Variants in ZBTB18 observed in about 807,000 individuals in gnomAD.
ZBTB18 encodes zinc finger and BTB domain containing 18.
A neutral mutation model predicts 37.7 loss-of-function variants in ZBTB18; 2 were observed. That is an observed-to-expected ratio of 0.05 (90% CI 0.02 to 0.17). ZBTB18 has a LOEUF of 0.17. Among genes scored for constraint, ZBTB18 ranks in the 10% least tolerant of loss-of-function variants. The pLI, the probability that ZBTB18 is intolerant of heterozygous loss-of-function variation, is 1.00. For missense variants in ZBTB18, 408 were observed against 686.3 expected (o/e 0.59, Z 4.53); for synonymous variants, 304 against 276.5 (o/e 1.10, Z -0.99).
Position 244,054,633 on chromosome 1 carries a change from G to A in ZBTB18, c.859G>A (p.Ala287Thr). The change falls in exon 2 of 2, where the codon GCT becomes ACT. Residue 287 changes from alanine (A) to threonine (T), a missense_variant. This residue lies in a region of ZBTB18 where 266 missense variants were observed against 312.0 expected (regional missense o/e 0.85). Coordinates refer to ENST00000358704, the MANE Select transcript of ZBTB18 (RefSeq NM_205768.3). This position sits in a 1 kb window ranked among gnomAD's most constrained non-coding sequence, Gnocchi z 9.0. Reference sequence around the variant, plus strand: ...GGTGCAGGTGAAGGTGGAGAAAGAGGCTTCCTGTGATGAGAGTGATGTTGG... The same window carrying A: ...GGTGCAGGTGAAGGTGGAGAAAGAGACTTCCTGTGATGAGAGTGATGTTGG... Reference protein sequence around the residue: ...NLVQVKVEKEASCDESDVGTN... With the variant: ...NLVQVKVEKETSCDESDVGTN... 1 of 1,614,232 alleles carries A rather than the reference G, an allele frequency of 6.2e-7. No homozygotes were observed. The highest frequency in any genetic ancestry group is 8.5e-7 in the Non-Finnish European group (1 of 1,180,052).
chr1:244,051,563 T>A, intron 1 of ZBTB18, 119 bp downstream of exon 1: 1 of 1,195,080 alleles, frequency 8.4e-7, no homozygotes, highest in Non-Finnish European at 1.2e-6. Flanking sequence ...AATTGAGTAT[T>A]AAATGAACAT....
chr1:244,051,398 A>T lies in ZBTB18; in HGVS notation c.-34A>T. On this transcript the variant is annotated 5_prime_UTR_variant, in exon 1 of 2. Transcript: ENST00000358704. ...CCACCGATGTAACAGACCTGGAGCCAGCAGGACTCAGAGGAAAGGACTTAA... is the reference window on the plus strand; with the variant it reads ...CCACCGATGTAACAGACCTGGAGCCTGCAGGACTCAGAGGAAAGGACTTAA... 6.2e-7 allele frequency: 1 copy of T among 1,613,944 alleles called. No homozygotes were observed. Among genetic ancestry groups the T allele is most frequent in the Non-Finnish European group, 8.5e-7 (1 of 1,179,908 alleles).
chr1:244,049,904 C>T (rs533151190), upstream of ZBTB18, among the ~76,000 whole-genome samples: 2 of 152,272 alleles, frequency 1.3e-5, no homozygotes, highest in East Asian at 3.9e-4. Context: ...AACTGTCACT[C>T]ACCCCCCACC....
In ZBTB18 at chr1:244,053,606, A is replaced by G. The variant is rs1698394846; in HGVS notation, c.14-182A>G. On this transcript the variant is annotated intron_variant, in intron 1 of 1. Coordinates refer to ENST00000358704, the MANE Select transcript of ZBTB18 (RefSeq NM_205768.3). This position sits in a 1 kb window ranked among gnomAD's most constrained non-coding sequence, Gnocchi z 5.2. ...GGGTGAGGAAGTTCAGAAAGTGTGCATTTTCCTTCTGGCATTTAGGTCTTG... is the reference window on the plus strand; with the variant it reads ...GGGTGAGGAAGTTCAGAAAGTGTGCGTTTTCCTTCTGGCATTTAGGTCTTG... The G allele has an allele frequency of 4.3e-6, 2 of 465,708 alleles. No individual in the cohort carries two copies. Among genetic ancestry groups the G allele is most frequent in the East Asian group, 1.5e-4 (1 of 6,482 alleles). The allele number at this position is 465,708 out of a possible 1,614,324, so 28.8% of individuals were successfully genotyped here. A position where few individuals can be genotyped will look rare whatever the true frequency, so the allele number is the denominator to read the frequency against.
rs995084680 is a variant in ZBTB18, at chr1:244,056,938, A to G, written c.*1568A>G. On this transcript the variant is annotated 3_prime_UTR_variant, in exon 2 of 2. Coordinates refer to ENST00000358704, the MANE Select transcript of ZBTB18 (RefSeq NM_205768.3). ...TTTGCTGTTTTTCCCTTTTTTTTTT[A>G]ATTGCTTTTGTTTAAAATTTGATCG... The G allele has an allele frequency of 6.0e-6, 1 of 165,784 alleles. No individual in the cohort carries two copies. Among genetic ancestry groups the G allele is most frequent in the Non-Finnish European group, 1.5e-5 (1 of 67,868 alleles). 10.3% of individuals were successfully genotyped at this position (165,784 alleles called of 1,614,324 possible). A position where few individuals can be genotyped will look rare whatever the true frequency, so the allele number is the denominator to read the frequency against.
chr1:244,049,774 C>G (rs1232952839), upstream of ZBTB18, among the ~76,000 whole-genome samples: 2 of 152,222 alleles, frequency 1.3e-5, no homozygotes, highest in African/African-American at 2.4e-5. Context: ...CCGCCCCCAC[C>G]TCTCTGAAAA....
chr1:244,049,304 G>A (rs1235231055), upstream of ZBTB18, among the ~76,000 whole-genome samples: 7 of 147,004 alleles, frequency 4.8e-5, no homozygotes, highest in African/African-American at 1.5e-4. Context: ...GCGGCGCGGG[G>A]CGGGCTCCCG....
At chr1:244,050,418 C>A (rs1324120631), upstream of ZBTB18, among the ~76,000 whole-genome samples, 1 of 138,284 alleles carries the variant, frequency 7.2e-6, no homozygotes, top group Admixed American at 7.5e-5. Context: ...TTCTTGTGAT[C>A]ATAAACATTA....
chr1:244,056,816 T>C lies in ZBTB18; in HGVS notation c.*1446T>C, dbSNP rs1698483736. On this transcript the variant is annotated 3_prime_UTR_variant, in exon 2 of 2. Coordinates refer to ENST00000358704, the MANE Select transcript of ZBTB18 (RefSeq NM_205768.3). Reference sequence around the variant, plus strand: ...CAGAGGCTGCAGCCTAACGTGTGGTTTTAATGACCAGCACGCAAGGCAAAA... The same window carrying C: ...CAGAGGCTGCAGCCTAACGTGTGGTCTTAATGACCAGCACGCAAGGCAAAA... 1 of 167,078 alleles carries C rather than the reference T, an allele frequency of 6.0e-6. No homozygotes were observed. The highest frequency in any genetic ancestry group is 6.5e-5 in the Admixed American group (1 of 15,280). 10.3% of individuals were successfully genotyped at this position (167,078 alleles called of 1,614,324 possible).
At position 244,054,773 on chromosome 1, in the gene ZBTB18, G is replaced by A. The variant is rs1698422401; in HGVS notation, c.999G>A (p.Arg333=). ...CCCTGAGGGAGGACTCGGTCTTGAG[G>A]GAGCTGGACCGGGAGGACAAAGCCA... The part of the protein sequence containing the change: ...LAPLREDSVL[R]ELDREDKASD... Residue 333 remains arginine, a synonymous_variant, in exon 2 of 2, where the codon AGG becomes AGA. Coordinates refer to ENST00000358704, the MANE Select transcript of ZBTB18 (RefSeq NM_205768.3). This position sits in a 1 kb window ranked among gnomAD's most constrained non-coding sequence, Gnocchi z 9.0. The A allele has an allele frequency of 1.2e-6, 2 of 1,614,184 alleles. No homozygotes were observed. The highest frequency in any genetic ancestry group is 2.7e-5 in the African/African-American group (2 of 75,064).
upstream of ZBTB18, among the ~76,000 whole-genome samples, chr1:244,051,117 G>A (rs1319867584): frequency 2.0e-5 from 3 of 152,228 alleles, no homozygotes; most frequent in African/African-American, 7.2e-5. Flanking sequence ...ACTAACAGAA[G>A]AGAAAAGTTC....
chr1:244,055,985 A>G lies in ZBTB18; in HGVS notation c.*615A>G, dbSNP rs1698460611. ...GGATCACTGGGACACTGTCTTATGAAGGTTTGCTTGGGATGAAAAAGGATA... is the reference window on the plus strand; with the variant it reads ...GGATCACTGGGACACTGTCTTATGAGGGTTTGCTTGGGATGAAAAAGGATA... On this transcript the variant is annotated 3_prime_UTR_variant, in exon 2 of 2. Transcript: ENST00000358704. This position sits in a 1 kb window ranked among gnomAD's most constrained non-coding sequence, Gnocchi z 7.0. The G allele has an allele frequency of 6.0e-6, 1 of 167,078 alleles. No individual in the cohort carries two copies. Among genetic ancestry groups the G allele is most frequent in the African/African-American group, 2.4e-5 (1 of 41,448 alleles). 10.3% of individuals were successfully genotyped at this position (167,078 alleles called of 1,614,324 possible).
Position 244,054,407 on chromosome 1 carries a change from G to C in ZBTB18, c.633G>C (p.Glu211Asp). The change falls in exon 2 of 2, where the codon GAG becomes GAC. Residue 211 changes from glutamate (E) to aspartate (D), a missense_variant. Glu to Asp is a conservative substitution (Grantham distance 45). This residue lies in a region of ZBTB18 where 266 missense variants were observed against 312.0 expected (regional missense o/e 0.85). Coordinates refer to ENST00000358704, the MANE Select transcript of ZBTB18 (RefSeq NM_205768.3). This position sits in a 1 kb window ranked among gnomAD's most constrained non-coding sequence, Gnocchi z 9.0. ...AGIPQAGGEA[E>D]PHATAAGKTV... is the part of the protein sequence containing the mutation. ...TCCCCCAGGCTGGCGGAGAGGCAGA[G>C]CCACACGCCACAGCAGCTGGAAAAA... The C allele has an allele frequency of 6.2e-7, 1 of 1,614,178 alleles. No individual in the cohort carries two copies. The highest frequency in any genetic ancestry group is 8.5e-7 in the Non-Finnish European group (1 of 1,180,038).
Position 244,055,103 on chromosome 1 carries a change from G to C in ZBTB18, c.1329G>C (p.Gly443=). 6.2e-7 allele frequency: 1 copy of C among 1,614,180 alleles called. No individual in the cohort carries two copies. Among genetic ancestry groups the C allele is most frequent in the Non-Finnish European group, 8.5e-7 (1 of 1,180,042 alleles). Reference sequence around the variant, plus strand: ...AGCGCCACGAGAGGACTCACTCGGGGGAGAAGCCCTACACATGCACCCAGT... The same window carrying C: ...AGCGCCACGAGAGGACTCACTCGGGCGAGAAGCCCTACACATGCACCCAGT... ...TLKRHERTHS[G]EKPYTCTQCG... is the part of the protein sequence containing the mutation. The change falls in exon 2 of 2, where the codon GGG becomes GGC. Residue 443 remains glycine, a synonymous_variant. Transcript: ENST00000358704. This position sits in a 1 kb window ranked among gnomAD's most constrained non-coding sequence, Gnocchi z 7.0.
At chr1:244,050,221 C>G (rs1698319760), upstream of ZBTB18, among the ~76,000 whole-genome samples, 2 of 152,296 alleles carry the variant, frequency 1.3e-5, no homozygotes, top group South Asian at 4.1e-4. Context: ...AGTTCCTTTT[C>G]TACCCCTCGC....
In ZBTB18 at chr1:244,051,285, T is replaced by G; in HGVS notation, c.-147T>G. Reference sequence around the variant, plus strand: ...TTCTAACACACAGACAGGGAGTTAGTGTGTGCGGATCTGTGGTGGAGAAGG... The same window carrying G: ...TTCTAACACACAGACAGGGAGTTAGGGTGTGCGGATCTGTGGTGGAGAAGG... On this transcript the variant is annotated 5_prime_UTR_variant, in exon 1 of 2. Coordinates refer to ENST00000358704, the MANE Select transcript of ZBTB18 (RefSeq NM_205768.3). 1.3e-6 allele frequency: 1 copy of G among 752,520 alleles called. No homozygotes were observed. The highest frequency in any genetic ancestry group is 2.2e-6 in the Non-Finnish European group (1 of 455,658). 46.6% of individuals were successfully genotyped at this position (752,520 alleles called of 1,614,324 possible).
In ZBTB18 at chr1:244,057,344, A is replaced by G. The variant is rs1402815379; in HGVS notation, c.*1974A>G. 6.0e-6 allele frequency: 1 copy of G among 166,902 alleles called. No individual in the cohort carries two copies. The highest frequency in any genetic ancestry group is 2.4e-5 in the African/African-American group (1 of 41,442). 10.3% of individuals were successfully genotyped at this position (166,902 alleles called of 1,614,324 possible). ...TGTTCTAAAACTTAGACTGACATCT[A>G]GCTTTGACAATCATAGTATGTTTTA... On this transcript the variant is annotated 3_prime_UTR_variant, in exon 2 of 2. Coordinates refer to ENST00000358704, the MANE Select transcript of ZBTB18 (RefSeq NM_205768.3).
Position 244,053,861 on chromosome 1 carries a change from G to C in ZBTB18, c.87G>C (p.Gln29His). 1.9e-6 allele frequency: 3 copies of C among 1,614,146 alleles called. No individual in the cohort carries two copies. The highest frequency in any genetic ancestry group is 2.5e-6 in the Non-Finnish European group (3 of 1,180,024). Residue 29 changes from glutamine (Q) to histidine (H), a missense_variant, in exon 2 of 2, where the codon CAG becomes CAC. By Grantham distance (24) the Gln-to-His change is conservative (BLOSUM62 0). Around this residue, in one of 4 missense-constraint regions of ZBTB18, gnomAD observed 95 missense variants for 218.7 expected, o/e 0.43. Coordinates refer to ENST00000358704, the MANE Select transcript of ZBTB18 (RefSeq NM_205768.3). This position sits in a 1 kb window ranked among gnomAD's most constrained non-coding sequence, Gnocchi z 5.2. ...LLQCLSEQRHQGFLCDCTVLV... is the reference protein window; with the variant it reads ...LLQCLSEQRHHGFLCDCTVLV... ...AGTGTCTGAGCGAGCAGAGACACCA[G>C]GGTTTTCTTTGTGACTGCACTGTTC...
rs1202653323 is a variant in ZBTB18, at chr1:244,056,290, TGAA to T, written c.*924_*926del. 6.0e-6 allele frequency: 1 copy of T among 167,138 alleles called. No individual in the cohort carries two copies. Among genetic ancestry groups the T allele is most frequent in the Non-Finnish European group, 1.5e-5 (1 of 68,132 alleles). The allele number at this position is 167,138 out of a possible 1,614,324, so 10.4% of individuals were successfully genotyped here. Reference sequence around the variant, plus strand: ...CATTTGGAAAAAAAAACTGGTGTTATGAAGAACGTAAATGCACTGTTTTTATTT... The same window carrying T: ...CATTTGGAAAAAAAAACTGGTGTTATGAACGTAAATGCACTGTTTTTATTT... On this transcript the variant is annotated 3_prime_UTR_variant, in exon 2 of 2. Coordinates refer to ENST00000358704, the MANE Select transcript of ZBTB18 (RefSeq NM_205768.3).
Sources: gnomAD v4.1 joint callset for allele counts (sites outside exome capture counted in the v4.1 genomes callset) on GRCh38, gnomAD v4.1.1 for gene constraint, gnomAD v4.1.1 regional missense constraint, Gnocchi (gnomAD v3.1) non-coding constraint, MANE v1.5 for transcripts, NCBI Gene and HGNC (gene_info 2026-07-23, HGNC 2026-07-21) for gene names.